Variants in ALCAM observed in about 807,000 individuals in gnomAD.
ALCAM encodes CD166 antigen.
ALCAM carries 30 observed loss-of-function variants against 70.9 expected under a neutral mutation model. That is an observed-to-expected ratio of 0.42 (90% confidence interval 0.32 to 0.57). ALCAM has a LOEUF of 0.57. Ranked by LOEUF, ALCAM falls within the 20% of genes least tolerant of loss-of-function variation. The pLI is 0.11. For missense variants in ALCAM, 591 were observed against 695.1 expected (o/e 0.85, Z 1.68); for synonymous variants, 249 against 242.5 (o/e 1.03, Z -0.25).
At chr3:105,555,761 A>G (rs1288129476) in intron 14 of ALCAM, among the ~76,000 whole-genome samples, 2 of 151,984 alleles carry the variant, frequency 1.3e-5, no homozygotes, top group African/African-American at 2.4e-5. Flanking sequence ...TCAAAAATGG[A>G]AAACTGGAGC....
chr3:105,386,925 A>T (rs115398423), intron 1 of ALCAM, among the ~76,000 whole-genome samples: 604 of 151,638 alleles, frequency 4.0e-3, no homozygotes, highest in African/African-American at 0.014. Flanking sequence ...CAAAGGTTAC[A>T]TGAGCAAATT....
chr3:105,378,413 T>C (rs1026615375), intron 1 of ALCAM, among the ~76,000 whole-genome samples: 3 of 151,952 alleles, frequency 2.0e-5, no homozygotes, highest in Non-Finnish European at 4.4e-5. Context: ...GCATTTTCCC[T>C]ACCTGGTGAT....
intron 8 of ALCAM, chr3:105,544,858 T>C (rs767274011): frequency 4.2e-5 from 9 of 213,712 alleles, no homozygotes; most frequent in Non-Finnish European, 8.6e-5. Flanking sequence ...CCTTACTGTC[T>C]CTTTATATAA....
At chr3:105,455,897 C>A (rs972196940) in intron 1 of ALCAM, among the ~76,000 whole-genome samples, 2 of 152,154 alleles carry the variant, frequency 1.3e-5, no homozygotes, top group African/African-American at 4.8e-5. Context: ...GGAGAACAGG[C>A]TGGCAAACAT....
intron 1 of ALCAM, among the ~76,000 whole-genome samples, chr3:105,443,346 G>C (rs1937220234): frequency 6.6e-6 from 1 of 152,018 alleles, no homozygotes; most frequent in Non-Finnish European, 1.5e-5. Flanking sequence ...TCTCCTCCCT[G>C]TTCTATTCAT....
At chr3:105,553,024 TA>T in intron 14 of ALCAM, 1 of 1,004,344 alleles carries the variant, frequency 1.0e-6, no homozygotes, top group Non-Finnish European at 1.2e-6. Context: ...AGGAATATCT[TA>T]TTGTTATTAC....
chr3:105,472,005 A>T (rs1384980552), intron 1 of ALCAM, among the ~76,000 whole-genome samples: 1 of 151,326 alleles, frequency 6.6e-6, no homozygotes, highest in East Asian at 1.9e-4. Flanking sequence ...TTTCTGTAAG[A>T]TCAACTTTTC....
At chr3:105,491,497 T>C (rs1425157926) in intron 1 of ALCAM, among the ~76,000 whole-genome samples, 1 of 152,232 alleles carries the variant, frequency 6.6e-6, no homozygotes, top group African/African-American at 2.4e-5. Flanking sequence ...GCTTTGCTTC[T>C]GTTTTAAACA....
chr3:105,392,262 C>G (rs1337255930), intron 1 of ALCAM, among the ~76,000 whole-genome samples: 5 of 151,706 alleles, frequency 3.3e-5, no homozygotes, highest in Non-Finnish European at 7.4e-5. Context: ...TACTATTGGT[C>G]TATTCAGGGA....
intron 1 of ALCAM, among the ~76,000 whole-genome samples, chr3:105,383,693 G>A (rs1935582177): frequency 6.6e-6 from 1 of 151,622 alleles, no homozygotes; most frequent in Non-Finnish European, 1.5e-5. Flanking sequence ...GCCAATCCAA[G>A]TTAACATAAG....
intron 1 of ALCAM, among the ~76,000 whole-genome samples, chr3:105,431,708 G>A (rs939486024): frequency 9.9e-5 from 15 of 151,994 alleles, no homozygotes; most frequent in African/African-American, 3.4e-4. Context: ...ACAAAGGAAC[G>A]AGTCTAAGCT....
intron 1 of ALCAM, among the ~76,000 whole-genome samples, chr3:105,451,976 G>A (rs1443100345): frequency 6.6e-6 from 1 of 151,998 alleles, no homozygotes; most frequent in East Asian, 1.9e-4. Flanking sequence ...GGTCTGCACT[G>A]CAAGTTGTAT....
chr3:105,389,873 A>G (rs1209760451), intron 1 of ALCAM, among the ~76,000 whole-genome samples: 2 of 151,590 alleles, frequency 1.3e-5, no homozygotes, highest in East Asian at 3.9e-4. Context: ...TCCTAAGGAT[A>G]ATGGCTTCCC....
intron 1 of ALCAM, among the ~76,000 whole-genome samples, chr3:105,454,640 T>C (rs1315566324): frequency 1.4e-5 from 2 of 147,692 alleles, no homozygotes; most frequent in Non-Finnish European, 3.0e-5. Context: ...TGGCACATAG[T>C]AGATGCTCAT....
At chr3:105,567,283 G>A (rs1211503316) in intron 14 of ALCAM, among the ~76,000 whole-genome samples, 1 of 152,078 alleles carries the variant, frequency 6.6e-6, no homozygotes, top group Non-Finnish European at 1.5e-5. Context: ...AAGTTAATGG[G>A]CTTCATCAAA....
At chr3:105,490,539 G>C (rs1266362007) in intron 1 of ALCAM, among the ~76,000 whole-genome samples, 3 of 152,172 alleles carry the variant, frequency 2.0e-5, no homozygotes, top group Admixed American at 6.5e-5. Context: ...ATGTATGTGT[G>C]TGTGTCTGTG....
chr3:105,427,590 C>A (rs936519594), intron 1 of ALCAM, among the ~76,000 whole-genome samples: 5 of 151,938 alleles, frequency 3.3e-5, no homozygotes, highest in Admixed American at 6.6e-5. Context: ...CTACCCACCC[C>A]CTCCCCTCAT....
In ALCAM at chr3:105,515,321, T is replaced by C. The variant is rs374754721; in HGVS notation, c.74-4746T>C. Among the ~76,000 whole-genome samples the C allele has an allele frequency of 5.3e-5, 8 of 152,184 alleles. No homozygotes were observed. The East Asian group carries it at 7.7e-4, about 15-fold the overall frequency. On this transcript the variant is annotated intron_variant, in intron 1 of 15. Transcript: ENST00000306107. Reference sequence around the variant, plus strand: ...CCTGAAGTCAGGAATTAATCCCTCATTGTGATTTAATATGTTTCTGTGTGG... The same window carrying C: ...CCTGAAGTCAGGAATTAATCCCTCACTGTGATTTAATATGTTTCTGTGTGG...
At chr3:105,514,060 A>G (rs771389214) in intron 1 of ALCAM, among the ~76,000 whole-genome samples, 1 of 151,950 alleles carries the variant, frequency 6.6e-6, no homozygotes, top group African/African-American at 2.4e-5. Context: ...AATTTCCTCC[A>G]AGAAGCTTTT....
Sources: allele counts gnomAD v4.1 joint callset (sites outside exome capture counted in the v4.1 genomes callset), GRCh38; gene constraint gnomAD v4.1.1; transcripts MANE v1.5; gene names NCBI Gene and HGNC (gene_info 2026-07-23, HGNC 2026-07-21).